The following ITPR2 variants were observed in gnomAD, a reference collection of about 807,000 sequenced individuals.
The protein encoded by ITPR2 is inositol 1,4,5-trisphosphate receptor type 2, also known as inositol 1,4,5-trisphosphate-gated calcium channel ITPR2.
Under a neutral mutation model 317.1 loss-of-function variants are expected in ITPR2, and 207 were observed. The ratio of observed to expected loss-of-function variants is 0.65; its 90% CI spans 0.58 to 0.73. ITPR2 has a LOEUF of 0.73. Ranked by LOEUF, ITPR2 falls within the 30% of genes least tolerant of loss-of-function variation. ITPR2 has a pLI of 0.00. For missense variants in ITPR2, 2,613 were observed against 3,284.0 expected (o/e 0.80, Z 4.99); for synonymous variants, 1,156 against 1,149.1 (o/e 1.01, Z -0.12).
At chr12:26,382,093 T>A (rs891601573) in intron 55 of ITPR2, among the ~76,000 whole-genome samples, 1 of 152,198 alleles carries the variant, frequency 6.6e-6, no homozygotes, top group Non-Finnish European at 1.5e-5. Flanking sequence ...AAGGCCATTA[T>A]CAGTATGGGA....
In ITPR2 at chr12:26,621,190, T is replaced by A. The variant is rs761757235; in HGVS notation, c.3395A>T (p.Lys1132Met). The change falls in exon 26 of 57, where the codon AAG becomes ATG. Residue 1132 changes from lysine to methionine, a missense_variant. Lys to Met is a moderately conservative substitution (Grantham distance 95). Around this residue, in one of 9 missense-constraint regions of ITPR2, gnomAD observed 817 missense variants for 897.6 expected, o/e 0.91. Coordinates refer to ENST00000381340, the MANE Select transcript of ITPR2 (RefSeq NM_002223.4). The stretch of plus-strand genomic sequence containing the variant: ...TTCTCCATTCTCATAGTTGCTGCTC[T>A]TCTCCACCCATAGCTCAGACTTTTC... ...TVEKSELWVE[K>M]SSNYENGEIG... is the part of the protein sequence containing the mutation. The A allele has an allele frequency of 5.0e-6, 8 of 1,614,042 alleles. No individual in the cohort carries two copies. Among genetic ancestry groups the A allele is most frequent in the Non-Finnish European group, 6.8e-6 (8 of 1,179,928 alleles).
At chr12:26,433,018 T>C (rs1269356282) in intron 48 of ITPR2, among the ~76,000 whole-genome samples, 1 of 152,238 alleles carries the variant, frequency 6.6e-6, no homozygotes, top group African/African-American at 2.4e-5. Flanking sequence ...ACAATTCTGA[T>C]GGCCAAGTAT....
chr12:26,772,440 A>G (rs1220238566), intron 2 of ITPR2, among the ~76,000 whole-genome samples: 1 of 105,192 alleles, frequency 9.5e-6, no homozygotes, highest in Non-Finnish European at 1.9e-5. Context: ...TAATACATGT[A>G]TTATATATAT....
intron 45 of ITPR2, among the ~76,000 whole-genome samples, chr12:26,446,919 T>C (rs1941622089): frequency 6.6e-6 from 1 of 152,042 alleles, no homozygotes; most frequent in Non-Finnish European, 1.5e-5. Flanking sequence ...TGGAAATCTT[T>C]CATATTCTTT....
chr12:26,706,928 G>A lies in ITPR2; in HGVS notation c.951+4245C>T, dbSNP rs562119673. 4.3e-4 allele frequency among the ~76,000 whole-genome samples: 65 copies of A among 152,148 alleles called. 1 individual carries two copies. The South Asian group carries it at 8.7e-3, about 20-fold the overall frequency. On this transcript the variant is annotated intron_variant, in intron 9 of 56. Transcript: ENST00000381340. The stretch of plus-strand genomic sequence containing the variant: ...TTTGGACATTCTGTATCTCTGATGC[G>A]CCTTCTTAGCAACTTACACAGGACC...
intron 55 of ITPR2, among the ~76,000 whole-genome samples, chr12:26,371,763 ATCT>A (rs1247922284): frequency 6.6e-6 from 1 of 152,098 alleles, no homozygotes; most frequent in Non-Finnish European, 1.5e-5. Flanking sequence ...TCTTGGTCAA[ATCT>A]TCTTTCCACC....
chr12:26,543,880 T>C (rs991607958), intron 37 of ITPR2, among the ~76,000 whole-genome samples: 11 of 152,206 alleles, frequency 7.2e-5, no homozygotes, highest in Non-Finnish European at 1.5e-4. Context: ...CAAATAAATA[T>C]GCCTGCTGTT....
chr12:26,791,881 T>C (rs1301030748), intron 1 of ITPR2, among the ~76,000 whole-genome samples: 1 of 152,206 alleles, frequency 6.6e-6, no homozygotes. Flanking sequence ...GGTTAAGACA[T>C]GTTAAGAATT....
chr12:26,682,992 T>C (rs1948064626), intron 11 of ITPR2, among the ~76,000 whole-genome samples: 1 of 152,286 alleles, frequency 6.6e-6, no homozygotes, highest in Middle Eastern at 3.4e-3. Context: ...GGCCCAACAA[T>C]GAGTGGTTTA....
intron 2 of ITPR2, among the ~76,000 whole-genome samples, chr12:26,741,354 T>G (rs115563175): frequency 0.013 from 1,978 of 152,378 alleles, 47 homozygotes; most frequent in African/African-American, 0.046. Flanking sequence ...TTGAAAAGAA[T>G]GAGGATTCCA....
At chr12:26,692,220 C>G (rs1021631343) in intron 10 of ITPR2, among the ~76,000 whole-genome samples, 2 of 147,280 alleles carry the variant, frequency 1.4e-5, no homozygotes, top group African/African-American at 2.4e-5. Context: ...GCACATAGAC[C>G]GGTGGTTCTC....
intron 34 of ITPR2, among the ~76,000 whole-genome samples, chr12:26,562,770 G>C (rs1312536014): frequency 6.6e-6 from 1 of 151,428 alleles, no homozygotes; most frequent in East Asian, 1.9e-4. Context: ...CTGTTGAGGG[G>C]TGGGGGAAGG....
chr12:26,712,320 C>T (rs1358727065), intron 8 of ITPR2, among the ~76,000 whole-genome samples: 2 of 152,164 alleles, frequency 1.3e-5, no homozygotes, highest in Non-Finnish European at 2.9e-5. Context: ...CCTGCTGCAA[C>T]CACGAATTCT....
chr12:26,647,166 C>T (rs1947132186), intron 21 of ITPR2, among the ~76,000 whole-genome samples: 1 of 152,224 alleles, frequency 6.6e-6, no homozygotes, highest in African/African-American at 2.4e-5. Context: ...CAGTCCCGTT[C>T]AAACAGCAAG....
chr12:26,371,228 C>A (rs1939179677), intron 55 of ITPR2, among the ~76,000 whole-genome samples: 1 of 152,218 alleles, frequency 6.6e-6, no homozygotes, highest in Non-Finnish European at 1.5e-5. Context: ...CCTTAGTCTT[C>A]TTTTTCCCTT....
At chr12:26,561,735 T>C (rs559206477) in intron 35 of ITPR2, 27 bp downstream of exon 35, 3 of 1,483,862 alleles carry the variant, frequency 2.0e-6, no homozygotes, top group African/African-American at 1.5e-5. Flanking sequence ...TTAGAAAATA[T>C]TAATGCTATT....
At chr12:26,760,342 C>T (rs1013815157) in intron 2 of ITPR2, among the ~76,000 whole-genome samples, 1 of 152,106 alleles carries the variant, frequency 6.6e-6, no homozygotes, top group Admixed American at 6.5e-5. Context: ...AGTTACTTTA[C>T]AAAAATTATT....
At position 26,695,644 on chromosome 12, in the gene ITPR2, G is replaced by C; in HGVS notation, c.958C>G (p.Pro320Ala). ...TGNYLAAELN[P>A]DYRDAQNEGK... is the part of the protein sequence containing the mutation. ...TCATTTTGGGCATCTCGATAATCAG[G>C]ATTAAGCTAGAAAAACAAAGGAAAA... The change falls in exon 10 of 57, where the codon CCT (proline) becomes GCT (alanine). Residue 320 changes from proline (P) to alanine (A), a missense_variant. By Grantham distance (27) the Pro-to-Ala change is conservative. This residue lies in a region of ITPR2 where 515 missense variants were observed against 789.4 expected (regional missense o/e 0.65). Coordinates refer to ENST00000381340, the MANE Select transcript of ITPR2 (RefSeq NM_002223.4). The C allele has an allele frequency of 6.2e-7, 1 of 1,611,982 alleles. No individual in the cohort carries two copies. Among genetic ancestry groups the C allele is most frequent in the African/African-American group, 1.3e-5 (1 of 74,938 alleles).
intron 45 of ITPR2, among the ~76,000 whole-genome samples, chr12:26,446,410 A>C (rs912076082): frequency 2.6e-5 from 4 of 152,134 alleles, no homozygotes; most frequent in Admixed American, 1.3e-4. Flanking sequence ...GAACTCTTTA[A>C]ATCTTACATA....
Sources: allele counts gnomAD v4.1 joint callset (sites outside exome capture counted in the v4.1 genomes callset), GRCh38; gene constraint gnomAD v4.1.1; regional missense constraint gnomAD v4.1.1; transcripts MANE v1.5; gene names NCBI Gene and HGNC (gene_info 2026-07-23, HGNC 2026-07-21).